TNN: variants seen among roughly 807,000 people sequenced by gnomAD.
TNN encodes tenascin-N.
A neutral mutation model predicts 134.4 loss-of-function variants in TNN; 122 were observed. That is an observed-to-expected ratio of 0.91 (90% confidence interval 0.78 to 1.06). TNN has a LOEUF of 1.06. Ranked by LOEUF, TNN falls within the 50% of genes least tolerant of loss-of-function variation. The pLI is 0.00. For missense variants in TNN, 1,739 were observed against 1,699.4 expected (o/e 1.02, Z -0.41); for synonymous variants, 710 against 670.3 (o/e 1.06, Z -0.91).
intron 6 of TNN, among the ~76,000 whole-genome samples, chr1:175,093,645 G>T (rs973010839): frequency 4.6e-5 from 7 of 152,146 alleles, no homozygotes; most frequent in Non-Finnish European, 8.8e-5. Context: ...GACTCTTCTT[G>T]AATACTTGCT....
chr1:175,078,365 ATTT>A lies in TNN; in HGVS notation c.409+540_409+542del, dbSNP rs1327710220. Reference sequence around the variant, plus strand: ...ATTTACAAATCAGTAAATTATAATTATTTTATTAGTAAAAATTACAATTATAAT... The same window carrying A: ...ATTTACAAATCAGTAAATTATAATTATATTAGTAAAAATTACAATTATAAT... On this transcript the variant is annotated intron_variant, in intron 2 of 18. Transcript: ENST00000239462. Among the ~76,000 whole-genome samples the A allele has an allele frequency of 2.6e-5, 4 of 152,210 alleles. No homozygotes were observed. The East Asian group carries it at 5.8e-4, about 22-fold the overall frequency.
chr1:175,146,644 C>T (rs929848359), intron 18 of TNN, among the ~76,000 whole-genome samples: 2 of 151,904 alleles, frequency 1.3e-5, no homozygotes, highest in African/African-American at 4.8e-5. Context: ...CTGGCCTCAC[C>T]CAGCTCCCGG....
chr1:175,085,261 T>C, intron 5 of TNN, 144 bp from the exon 6 acceptor site: 1 of 621,604 alleles, frequency 1.6e-6, no homozygotes. Flanking sequence ...CGGGGCTTTA[T>C]TTGCCTGCAA....
intron 3 of TNN, 117 bp from the exon 4 acceptor site, chr1:175,080,045 GC>G: frequency 7.3e-7 from 1 of 1,378,230 alleles, no homozygotes; most frequent in Admixed American, 2.1e-5. Context: ...GTCGGGAATG[GC>G]GCCTTACACA....
At position 175,116,923 on chromosome 1, in the gene TNN, CA is replaced by C. The variant is rs769150790; in HGVS notation, c.2120-14del. 2 of 1,614,168 alleles carry C rather than the reference CA, an allele frequency of 1.2e-6. No homozygotes were observed. Among genetic ancestry groups the C allele is most frequent in the South Asian group, 2.2e-5 (2 of 91,088 alleles). On this transcript the variant is annotated splice_polypyrimidine_tract_variant and intron_variant, in intron 9 of 18. Transcript: ENST00000239462. ...CCAGTTCATAGTGTTCATTGATCAG[CA>C]ATTTTTTTTTTCAGACATTGACAGC...
intron 11 of TNN, among the ~76,000 whole-genome samples, chr1:175,120,998 G>T (rs976603747): frequency 6.6e-6 from 1 of 152,154 alleles, no homozygotes; most frequent in African/African-American, 2.4e-5. Context: ...GGGTCTCACT[G>T]TGTTGAACTC....
intron 17 of TNN, among the ~76,000 whole-genome samples, chr1:175,139,493 G>T (rs10912895): frequency 0.74 from 112,172 of 152,090 alleles, 41,627 homozygotes; most frequent in Non-Finnish European, 0.78. Context: ...TTCCACCTCC[G>T]CATCTTGTCC....
chr1:175,124,334 G>A (rs964738810), intron 12 of TNN, among the ~76,000 whole-genome samples: 8 of 152,138 alleles, frequency 5.3e-5, no homozygotes, highest in African/African-American at 1.9e-4. Flanking sequence ...AGTAATATAT[G>A]CTTATAGTAA....
chr1:175,125,862 CTTTTTCTTTCTTTCTTTTCT>C (rs1675516150), intron 12 of TNN, among the ~76,000 whole-genome samples: 28 of 7,540 alleles, frequency 3.7e-3, no homozygotes, highest in Admixed American at 0.026. Flanking sequence ...TTTCTTTTTT[CTTTTTCTTTCTTTCTTTTCT>C]TTTTTTCTTT....
At chr1:175,069,433 G>A (rs923945518) in intron 1 of TNN, among the ~76,000 whole-genome samples, 5 of 152,174 alleles carry the variant, frequency 3.3e-5, no homozygotes, top group Admixed American at 2.0e-4. Flanking sequence ...GCTGACTCCC[G>A]AAGGAGGGAA....
intron 9 of TNN, among the ~76,000 whole-genome samples, chr1:175,099,363 GAGGAGAGGTGAAGGGTCAAGGGGA>G (rs1674657644): frequency 1.3e-5 from 2 of 151,966 alleles, no homozygotes; most frequent in East Asian, 1.9e-4. Context: ...GGTCAGGAAG[GAGGAGAGGTGAAGGGTCAAGGGGA>G]AGGAGAGGTG....
intron 11 of TNN, 128 bp from the exon 12 acceptor site, chr1:175,123,272 C>A: frequency 8.9e-7 from 1 of 1,129,670 alleles, no homozygotes; most frequent in Non-Finnish European, 1.3e-6. Context: ...GGGCCTTTGA[C>A]TCGTGTTTTA....
chr1:175,140,893 T>C (rs1201959452), intron 17 of TNN, among the ~76,000 whole-genome samples: 1 of 152,214 alleles, frequency 6.6e-6, no homozygotes, highest in East Asian at 1.9e-4. Flanking sequence ...TGGCTACTCA[T>C]GTCTTGAATG....
At chr1:175,128,778 G>T in intron 15 of TNN, 32 bp downstream of exon 15, 2 of 1,580,394 alleles carry the variant, frequency 1.3e-6, no homozygotes, top group Non-Finnish European at 1.7e-6. Flanking sequence ...GGAGCTCTGT[G>T]TAGGGCCTTC....
chr1:175,097,520 C>CTA lies in TNN; in HGVS notation c.1693_1694dup (p.Ser567ProfsTer22). On this transcript the variant is annotated frameshift_variant, in exon 8 of 19. Transcript: ENST00000239462. LOFTEE classifies it high-confidence loss of function. ...CCACCATTGACAAGTACGTGGTGCG[C>CTA]TACACCTCTGCTGACGACCAAGAGA... The CTA allele has an allele frequency of 6.2e-7, 1 of 1,614,196 alleles. No homozygotes were observed. Among genetic ancestry groups the CTA allele is most frequent in the African/African-American group, 1.3e-5 (1 of 75,042 alleles).
intron 11 of TNN, among the ~76,000 whole-genome samples, chr1:175,120,542 G>A (rs1675323830): frequency 6.6e-6 from 1 of 152,156 alleles, no homozygotes; most frequent in Non-Finnish European, 1.5e-5. Context: ...CTAGCAATTT[G>A]CCCTCCTTTA....
intron 9 of TNN, among the ~76,000 whole-genome samples, chr1:175,110,740 G>T (rs1290608365): frequency 6.6e-6 from 1 of 152,136 alleles, no homozygotes; most frequent in African/African-American, 2.4e-5. Context: ...CCGTTTTTAT[G>T]CCAGGTCCAA....
chr1:175,133,102 A>G (rs1476061), intron 15 of TNN, among the ~76,000 whole-genome samples: 134,941 of 152,264 alleles, frequency 0.89, 60,037 homozygotes, highest in African/African-American at 0.94. Flanking sequence ...AGTGGGAATC[A>G]TTCCTGAGGT....
rs746451029 is a variant in TNN at position 175,079,601 on chromosome 1, GGACTGCAGCGAGAAGCGCTGTCCCGGC to G, written c.689_715del (p.Glu230_Ser238del). ...AGTGCCACGAAGACTTCATGTCGGA[GGACTGCAGCGAGAAGCGCTGTCCCGGC>G]GACTGCAGCGGCCACGGCTTCTGTG... On this transcript the variant is annotated inframe_deletion, in exon 3 of 19. Coordinates refer to ENST00000239462, the MANE Select transcript of TNN (RefSeq NM_022093.2). The G allele has an allele frequency of 1.9e-6, 3 of 1,596,548 alleles. No homozygotes were observed. Among genetic ancestry groups the G allele is most frequent in the South Asian group, 1.1e-5 (1 of 88,634 alleles).
Sources: gnomAD v4.1 joint callset for allele counts (sites outside exome capture counted in the v4.1 genomes callset) on GRCh38, gnomAD v4.1.1 for gene constraint, MANE v1.5 for transcripts, NCBI Gene and HGNC (gene_info 2026-07-23, HGNC 2026-07-21) for gene names.